Variants in ST7 observed in about 807,000 individuals in gnomAD.
ST7 encodes suppressor of tumorigenicity 7 protein.
Under a neutral mutation model 78.7 loss-of-function variants are expected in ST7, and 28 were observed. That is an observed-to-expected ratio of 0.36 (90% CI 0.26 to 0.49). The LOEUF (loss-of-function observed/expected upper bound fraction) is 0.49. ST7 is among the 20% of genes least tolerant of loss of function. The pLI is 0.99. For missense variants in ST7, 418 were observed against 696.0 expected, an observed-to-expected ratio of 0.60 and a Z score of 4.49; for synonymous variants, 247 against 249.6, an observed-to-expected ratio of 0.99 and a Z score of 0.10.
chr7:117,186,363 A>G (rs1451389951), intron 10 of ST7, among the ~76,000 whole-genome samples: 1 of 152,186 alleles, frequency 6.6e-6, no homozygotes, highest in Non-Finnish European at 1.5e-5. Flanking sequence ...CAGCACCGTG[A>G]TAACTATGAT....
intron 1 of ST7, among the ~76,000 whole-genome samples, chr7:117,007,726 T>G (rs1795212903): frequency 6.6e-6 from 1 of 152,202 alleles, no homozygotes; most frequent in Admixed American, 6.5e-5. Flanking sequence ...TCTTAGGAGC[T>G]CATGCTCACA....
chr7:116,971,887 T>G (rs1793443433), intron 1 of ST7, among the ~76,000 whole-genome samples: 1 of 152,246 alleles, frequency 6.6e-6, no homozygotes, highest in South Asian at 2.1e-4. Context: ...ATCACAAATG[T>G]GTACATCACA....
intron 1 of ST7, among the ~76,000 whole-genome samples, chr7:116,997,306 T>A (rs1794710706): frequency 6.6e-6 from 1 of 152,154 alleles, no homozygotes; most frequent in South Asian, 2.1e-4. Context: ...GCAGCCTACT[T>A]TTATTCCCTT....
intron 9 of ST7, among the ~76,000 whole-genome samples, chr7:117,151,545 T>A (rs1331141650): frequency 8.5e-6 from 1 of 118,146 alleles, no homozygotes; most frequent in Admixed American, 8.4e-5. Flanking sequence ...ACACACACTA[T>A]TTTTTTCTTA....
At chr7:117,134,866 A>G (rs181667235) in intron 7 of ST7, among the ~76,000 whole-genome samples, 2 of 152,054 alleles carry the variant, frequency 1.3e-5, no homozygotes, top group Non-Finnish European at 2.9e-5. Flanking sequence ...AGCCCCATTG[A>G]TGGTTCCTGC....
chr7:117,125,040 A>G (rs1234094341), intron 3 of ST7, among the ~76,000 whole-genome samples: 1 of 152,150 alleles, frequency 6.6e-6, no homozygotes, highest in Non-Finnish European at 1.5e-5. Context: ...GCTCTCTAAT[A>G]GTCTTAATGA....
rs573459008 is a variant in ST7, at chr7:117,013,603, G to A, written c.151+59912G>A. Among the ~76,000 whole-genome samples, 8 of 152,292 alleles carry A rather than the reference G, an allele frequency of 5.3e-5. No homozygotes were observed. In the South Asian group the frequency reaches 6.2e-4, roughly 12 times the overall value. On this transcript the variant is annotated intron_variant, in intron 1 of 15. Coordinates refer to ENST00000323984, the MANE Select transcript of ST7 (RefSeq NM_001369598.1). Reference sequence around the variant, plus strand: ...AACACTTTGAGAGGCTGAGGCGGGCGGATAACCTAAGGTTAGGAGTTCGAG... The same window carrying A: ...AACACTTTGAGAGGCTGAGGCGGGCAGATAACCTAAGGTTAGGAGTTCGAG...
At chr7:117,048,162 A>G (rs916489688) in intron 1 of ST7, among the ~76,000 whole-genome samples, 2 of 152,090 alleles carry the variant, frequency 1.3e-5, no homozygotes, top group Non-Finnish European at 2.9e-5. Context: ...GTAGGCCGAG[A>G]AGGAGGAGGA....
At chr7:116,985,448 G>A (rs1794150486) in intron 1 of ST7, among the ~76,000 whole-genome samples, 1 of 152,154 alleles carries the variant, frequency 6.6e-6, no homozygotes, top group Admixed American at 6.5e-5. Flanking sequence ...ACACTCAAAT[G>A]TACTAGTAGT....
chr7:117,152,177 C>CTACATA (rs1491503348), intron 9 of ST7, among the ~76,000 whole-genome samples: 1 of 66,858 alleles, frequency 1.5e-5, no homozygotes, highest in Non-Finnish European at 2.9e-5. Context: ...TATATAAAAA[C>CTACATA]TATATATATA....
chr7:116,961,559 T>C (rs1287501502), intron 1 of ST7, among the ~76,000 whole-genome samples: 1 of 114,700 alleles, frequency 8.7e-6, no homozygotes, highest in East Asian at 2.1e-4. Flanking sequence ...TTCCTACGTG[T>C]GTGTGTGTGT....
At chr7:117,196,464 C>T (rs1197905827) in intron 12 of ST7, among the ~76,000 whole-genome samples, 5 of 152,068 alleles carry the variant, frequency 3.3e-5, no homozygotes, top group South Asian at 2.1e-4. Flanking sequence ...CATCCTAACA[C>T]GTCAGGTAAA....
chr7:117,174,320 G>A (rs1372124277), intron 10 of ST7, among the ~76,000 whole-genome samples: 1 of 152,174 alleles, frequency 6.6e-6, no homozygotes, highest in Non-Finnish European at 1.5e-5. Context: ...GCAACAGCTA[G>A]CATTTATTGA....
chr7:116,955,002 C>A, intron 1 of ST7: 1 of 380,434 alleles, frequency 2.6e-6, no homozygotes. Context: ...CCCTGGGAGG[C>A]GGATAGGATT....
intron 1 of ST7, among the ~76,000 whole-genome samples, chr7:116,976,528 C>A (rs1339048274): frequency 6.6e-6 from 1 of 152,110 alleles, no homozygotes; most frequent in Non-Finnish European, 1.5e-5. Context: ...GTGGCAGAAG[C>A]AAAAGAAGCC....
intron 1 of ST7, among the ~76,000 whole-genome samples, chr7:117,097,870 TG>T (rs1801185718): frequency 1.9e-5 from 1 of 53,420 alleles, no homozygotes; most frequent in Non-Finnish European, 4.3e-5. Context: ...TATATATATA[TG>T]ACATATCACT....
At chr7:117,032,583 T>G (rs1484278038) in intron 1 of ST7, among the ~76,000 whole-genome samples, 1 of 152,162 alleles carries the variant, frequency 6.6e-6, no homozygotes, top group Non-Finnish European at 1.5e-5. Context: ...TTAAATTGAA[T>G]TTAAATTTAT....
chr7:117,058,548 A>G (rs1163388329), intron 1 of ST7, among the ~76,000 whole-genome samples: 1 of 152,226 alleles, frequency 6.6e-6, no homozygotes, highest in Non-Finnish European at 1.5e-5. Context: ...GAGCATCATA[A>G]TTCTTAAGAG....
At chr7:117,098,835 GATA>G in intron 1 of ST7, 2 of 1,301,242 alleles carry the variant, frequency 1.5e-6, no homozygotes, top group Non-Finnish European at 1.0e-6. Context: ...TGGTGGTTTT[GATA>G]ATAATAAAAG....
Sources: gnomAD v4.1 joint callset for allele counts (sites outside exome capture counted in the v4.1 genomes callset) on GRCh38, gnomAD v4.1.1 for gene constraint, MANE v1.5 for transcripts, NCBI Gene and HGNC (gene_info 2026-07-23, HGNC 2026-07-21) for gene names.